MALRD1: variants seen among roughly 807,000 people sequenced by gnomAD.
MALRD1 encodes MAM and LDL receptor class A domain containing 1.
MALRD1 carries 247 observed loss-of-function variants against 242.1 expected under a neutral mutation model. The observed-to-expected ratio is 1.02, with a 90% CI of 0.92 to 1.13. The LOEUF (loss-of-function observed/expected upper bound fraction) is 1.13, where lower values mean the gene tolerates loss of function less well. Among genes scored for constraint, MALRD1 ranks in the 50% most tolerant of loss-of-function variants. The probability of loss-of-function intolerance (pLI) is 0.00; values close to 1 mark genes in which losing one functional copy is unlikely to be tolerated. For missense variants in MALRD1, 2,989 were observed against 2,533.1 expected (o/e 1.18, Z -3.86); for synonymous variants, 995 against 866.6 (o/e 1.15, Z -2.60).
intron 28 of MALRD1, among the ~76,000 whole-genome samples, chr10:19,417,043 C>A (rs1833538023): frequency 6.6e-6 from 1 of 152,150 alleles, no homozygotes. Context: ...AGCCCTTTCT[C>A]TTTTTAGCTT....
intron 28 of MALRD1, among the ~76,000 whole-genome samples, chr10:19,447,936 TTTG>T (rs535228801): frequency 2.2e-4 from 33 of 152,286 alleles, no homozygotes; most frequent in African/African-American, 7.7e-4. Context: ...GGGTGTCAGA[TTTG>T]TTGTTGTTTT....
At chr10:19,609,546 T>C (rs1838792064) in intron 35 of MALRD1, among the ~76,000 whole-genome samples, 2 of 152,040 alleles carry the variant, frequency 1.3e-5, no homozygotes, top group South Asian at 4.1e-4. Flanking sequence ...CATCCAGTAA[T>C]TCCCATAGTG....
intron 32 of MALRD1, among the ~76,000 whole-genome samples, chr10:19,540,480 A>G (rs1589219084): frequency 6.6e-6 from 1 of 152,322 alleles, no homozygotes; most frequent in East Asian, 1.9e-4. Context: ...AACCAATGAA[A>G]TATGGTGCAT....
At chr10:19,415,092 A>G (rs976395348) in intron 28 of MALRD1, among the ~76,000 whole-genome samples, 2 of 152,214 alleles carry the variant, frequency 1.3e-5, no homozygotes, top group Admixed American at 6.5e-5. Context: ...TGAAATTAAA[A>G]CAATAGGTAT....
chr10:19,238,675 C>T (rs1011646434), intron 18 of MALRD1, among the ~76,000 whole-genome samples: 1 of 132,822 alleles, frequency 7.5e-6, no homozygotes, highest in East Asian at 2.1e-4. Flanking sequence ...CATAAGAGTG[C>T]AGATATTTTT....
chr10:19,355,956 G>A (rs540532942), intron 26 of MALRD1, among the ~76,000 whole-genome samples: 89 of 148,412 alleles, frequency 6.0e-4, no homozygotes, highest in African/African-American at 2.2e-3. Flanking sequence ...TAGGGTTAGG[G>A]TTGGAATGCA....
intron 33 of MALRD1, among the ~76,000 whole-genome samples, chr10:19,573,297 A>T (rs534405276): frequency 2.3e-4 from 35 of 152,038 alleles, no homozygotes; most frequent in Non-Finnish European, 4.9e-4. Context: ...CCTAGGAGGG[A>T]CTCAAGGCTG....
chr10:19,332,174 G>GTT (rs139531488), intron 24 of MALRD1, among the ~76,000 whole-genome samples: 2,001 of 142,790 alleles, frequency 0.014, 25 homozygotes, highest in African/African-American at 0.029. Context: ...TGAAATAAAT[G>GTT]TTGTTTTTTT....
chr10:19,626,209 A>C (rs1306904361), intron 36 of MALRD1, among the ~76,000 whole-genome samples: 1 of 152,060 alleles, frequency 6.6e-6, no homozygotes, highest in African/African-American at 2.4e-5. Flanking sequence ...GAGAAATCTA[A>C]AAGTCAAAAC....
intron 12 of MALRD1, among the ~76,000 whole-genome samples, chr10:19,158,550 A>T: frequency 6.6e-6 from 1 of 152,232 alleles, no homozygotes; most frequent in Non-Finnish European, 1.5e-5. Context: ...GTAAAGAGAA[A>T]TAAACAAAAC....
chr10:19,098,983 C>A (rs1418625212), intron 4 of MALRD1, among the ~76,000 whole-genome samples: 2 of 152,122 alleles, frequency 1.3e-5, no homozygotes, highest in Non-Finnish European at 2.9e-5. Flanking sequence ...GTGCCGTTTG[C>A]ATAGGGCACA....
chr10:19,060,230 C>A (rs570781736), intron 1 of MALRD1, among the ~76,000 whole-genome samples: 52 of 152,174 alleles, frequency 3.4e-4, no homozygotes, highest in Admixed American at 9.8e-4. Flanking sequence ...CTGCCCCATG[C>A]AGTTGTTTTA....
chr10:19,719,871 T>G (rs1314293398), intron 38 of MALRD1, among the ~76,000 whole-genome samples: 2 of 152,120 alleles, frequency 1.3e-5, no homozygotes, highest in African/African-American at 4.8e-5. Context: ...TTGACAGGAA[T>G]AGAGACCATT....
At chr10:19,265,508 A>T (rs1327976065) in intron 19 of MALRD1, among the ~76,000 whole-genome samples, 1 of 151,902 alleles carries the variant, frequency 6.6e-6, no homozygotes. Flanking sequence ...ATGTTGTTTT[A>T]ATTGCCATGT....
intron 7 of MALRD1, among the ~76,000 whole-genome samples, chr10:19,127,598 A>G (rs1281371614): frequency 1.3e-5 from 2 of 152,194 alleles, no homozygotes; most frequent in African/African-American, 4.8e-5. Context: ...CTCTTTATAA[A>G]TCTGTGTTGT....
rs971877639 is a variant in MALRD1 at position 19,536,344 on chromosome 10, TC to T, written c.5478+4994del. ...TAGAACATGCCAGAAAAATTTTTTT[TC>T]TTTTCTTTTTTTTTTTTAATTATAC... On this transcript the variant is annotated intron_variant, in intron 32 of 39. Coordinates refer to ENST00000454679, the MANE Select transcript of MALRD1 (RefSeq NM_001142308.3). Among the ~76,000 whole-genome samples, 90 of 82,826 alleles carry T rather than the reference TC, an allele frequency of 1.1e-3. 1 individual carries two copies. Among genetic ancestry groups the T allele is most frequent in the African/African-American group, 2.3e-3 (83 of 35,882 alleles). 54.3% of individuals were successfully genotyped at this position (82,826 alleles called of 152,430 possible).
intron 38 of MALRD1, among the ~76,000 whole-genome samples, chr10:19,700,537 CT>C (rs1489251082): frequency 6.6e-6 from 1 of 152,066 alleles, no homozygotes; most frequent in Non-Finnish European, 1.5e-5. Context: ...AATAGGAGCA[CT>C]TTCATATTTT....
intron 2 of MALRD1, among the ~76,000 whole-genome samples, chr10:19,077,049 T>G (rs1046293434): frequency 6.6e-6 from 1 of 152,028 alleles, no homozygotes; most frequent in African/African-American, 2.4e-5. Context: ...TTATTGTTTT[T>G]GAGGCAACTT....
At chr10:19,727,860 T>A (rs927848222) in intron 38 of MALRD1, among the ~76,000 whole-genome samples, 3 of 152,152 alleles carry the variant, frequency 2.0e-5, no homozygotes, top group African/African-American at 7.2e-5. Flanking sequence ...ACATTTTATT[T>A]CCCTCATGTA....
Sources: gnomAD v4.1 joint callset for allele counts (sites outside exome capture counted in the v4.1 genomes callset) on GRCh38, gnomAD v4.1.1 for gene constraint, MANE v1.5 for transcripts, NCBI Gene and HGNC (gene_info 2026-07-23, HGNC 2026-07-21) for gene names.